Variants in COL2A1 observed in about 807,000 individuals in gnomAD.
COL2A1 encodes the protein collagen alpha-1(II) chain.
In COL2A1, 28 loss-of-function variants were observed where a neutral mutation model predicts 204.5. That is an observed-to-expected ratio of 0.14 (90% CI 0.10 to 0.19). The LOEUF is 0.19. COL2A1 is among the 10% of genes least tolerant of loss of function. The pLI, the probability that COL2A1 is intolerant of heterozygous loss-of-function variation, is 1.00. For synonymous variants in COL2A1, 708 were observed against 718.7 expected, an observed-to-expected ratio of 0.99 and a Z score of 0.24; for missense variants, 1,388 against 2,027.5, an observed-to-expected ratio of 0.68 and a Z score of 6.06.
At chr12:47,985,667 G>C in intron 25 of COL2A1, 61 bp downstream of exon 25, 5 of 1,605,886 alleles carry the variant, frequency 3.1e-6, no homozygotes, top group Non-Finnish European at 4.3e-6. Context: ...GGGCTGGAAG[G>C]AGCCAGCCAG....
intron 12 of COL2A1, 59 bp from the exon 13 acceptor site, chr12:47,994,106 C>T: frequency 6.3e-7 from 1 of 1,598,650 alleles, no homozygotes; most frequent in East Asian, 2.2e-5. Flanking sequence ...GAAAGCTGCC[C>T]TGGGCTGCAG....
At position 47,996,420 on chromosome 12, in the gene COL2A1, G is replaced by A. The variant is rs1939963926; in HGVS notation, c.609+128C>T. On this transcript the variant is annotated intron_variant, in intron 8 of 53. Coordinates refer to ENST00000380518, the MANE Select transcript of COL2A1 (RefSeq NM_001844.5). ...AATGCTTTGGGCTAGCTGAATGGGA[G>A]GTTACATAACTACGGAGGAGAGCCA... 3 of 839,260 alleles carry A rather than the reference G, an allele frequency of 3.6e-6. 1 individual carries two copies. In the Admixed American group the frequency reaches 5.2e-5, roughly 14 times the overall value. The allele number at this position is 839,260 out of a possible 1,614,324, so 52.0% of individuals were successfully genotyped here.
intron 14 of COL2A1, 86 bp downstream of exon 14, chr12:47,993,723 G>C: frequency 6.9e-6 from 10 of 1,457,520 alleles, no homozygotes; most frequent in Middle Eastern, 2.1e-4. Flanking sequence ...TAGTTCCACT[G>C]AGCTCCACAG....
At position 47,985,036 on chromosome 12, in the gene COL2A1, G is replaced by T; in HGVS notation, c.1792C>A (p.Gln598Lys). ...CCAGGGAAACCCATGACACCAGGCT[G>T]CCCACGAGCCCCCTGAGGACCTGGA... ...GPPGPQGARG[Q>K]PGVMGFPGPK... The change falls in exon 27 of 54, where the codon CAG becomes AAG. Residue 598 changes from glutamine (Q) to lysine (K), a missense_variant. By Grantham distance (53) the Gln-to-Lys change is moderately conservative. Transcript: ENST00000380518. 2 of 1,613,978 alleles carry T rather than the reference G, an allele frequency of 1.2e-6. No individual in the cohort carries two copies. Among genetic ancestry groups the T allele is most frequent in the Non-Finnish European group, 8.5e-7 (1 of 1,179,980 alleles).
intron 40 of COL2A1, 50 bp downstream of exon 40, chr12:47,979,959 G>A (rs1263390297): frequency 2.0e-6 from 3 of 1,499,972 alleles, no homozygotes; most frequent in Non-Finnish European, 2.7e-6. Flanking sequence ...AGCCTCTGGG[G>A]CCAGGCCTCT....
chr12:47,985,627 G>A lies in COL2A1; in HGVS notation c.1681-40C>T, dbSNP rs1407018684. ...GAGAAGAGGGTGGGGTCAGGAGCCG[G>A]CCCCAGGACCTCCCAATCCTGGCAG... is the stretch of plus-strand genomic sequence containing the variant. On this transcript the variant is annotated intron_variant, in intron 25 of 53. Coordinates refer to ENST00000380518, the MANE Select transcript of COL2A1 (RefSeq NM_001844.5). 3.1e-6 allele frequency: 5 copies of A among 1,610,778 alleles called. No individual in the cohort carries two copies. In the South Asian group the frequency reaches 5.5e-5, roughly 18 times the overall value.
At position 47,997,996 on chromosome 12, in the gene COL2A1, G is replaced by C. The variant is rs761315816; in HGVS notation, c.375+36C>G. The C allele has an allele frequency of 1.1e-5, 17 of 1,614,092 alleles. No homozygotes were observed. In the South Asian group the frequency reaches 1.6e-4, roughly 16 times the overall value. On this transcript the variant is annotated intron_variant, in intron 5 of 53. Transcript: ENST00000380518. ...CAGATCAGTAACTTGCGCGCAGCGA[G>C]GAAGGGACGGAGAAAGAGATTTCTC...
chr12:47,987,914 C>T lies in COL2A1; in HGVS notation c.1123-205G>A, dbSNP rs1939514862. Among the ~76,000 whole-genome samples, 1 of 152,158 alleles carries T rather than the reference C, an allele frequency of 6.6e-6. No individual in the cohort carries two copies. On this transcript the variant is annotated intron_variant, in intron 18 of 53. Coordinates refer to ENST00000380518, the MANE Select transcript of COL2A1 (RefSeq NM_001844.5). This position sits in a 1 kb window ranked among gnomAD's most constrained non-coding sequence, Gnocchi z 4.1. ...ACCGAGCTGATGACTTGATGACTTC[C>T]CACGCCTGCCTCCTCTACTGCTTAC...
rs780436292 is a variant in COL2A1 at position 47,987,251 on chromosome 12, T to G, written c.1266+18A>C. The G allele has an allele frequency of 1.2e-6, 2 of 1,613,640 alleles. No homozygotes were observed. Among genetic ancestry groups the G allele is most frequent in the Non-Finnish European group, 1.7e-6 (2 of 1,179,954 alleles). On this transcript the variant is annotated intron_variant, in intron 20 of 53. Transcript: ENST00000380518. This position sits in a 1 kb window ranked among gnomAD's most constrained non-coding sequence, Gnocchi z 4.1. The stretch of plus-strand genomic sequence containing the variant: ...ACTGGGCTCTCCTGGGGTAGCAAAG[T>G]CCACGGGCAACACTCACAGCAGATC...
intron 44 of COL2A1, 99 bp downstream of exon 44, chr12:47,977,911 C>G (rs905690054): frequency 1.9e-5 from 23 of 1,203,408 alleles, no homozygotes; most frequent in Middle Eastern, 3.8e-4. Context: ...ACCCCCTTCT[C>G]CAGGGCCCTG....
In COL2A1 at chr12:47,987,585, C is replaced by A. The variant is rs376821382; in HGVS notation, c.1221+26G>T. On this transcript the variant is annotated intron_variant, in intron 19 of 53. Coordinates refer to ENST00000380518, the MANE Select transcript of COL2A1 (RefSeq NM_001844.5). The surrounding 1 kb of genome is among the most constrained non-coding windows in gnomAD (Gnocchi z 4.1). The stretch of plus-strand genomic sequence containing the variant: ...CCAAAGCCACAGACCCCAGACCCCC[C>A]CAGGCCAAAGAGAAGCTGCACTTAC... The A allele has an allele frequency of 1.9e-4, 295 of 1,591,394 alleles. No homozygotes were observed. The highest frequency in any genetic ancestry group is 6.7e-4 in the Middle Eastern group (4 of 5,992).
At position 47,982,153 on chromosome 12, in the gene COL2A1, A is replaced by C. The variant is rs767686686; in HGVS notation, c.2309T>G (p.Val770Gly). 12 of 1,613,544 alleles carry C rather than the reference A, an allele frequency of 7.4e-6. No individual in the cohort carries two copies. Among genetic ancestry groups the C allele is most frequent in the Non-Finnish European group, 1.0e-5 (12 of 1,179,790 alleles). ...GGCTCCCTCAGGGCCTTTCTCACCA[A>C]CGTCACCCTGAGGGAAGAGAAAACC... Reference protein sequence around the residue: ...IAGPKGDRGDVGEKGPEGAPG... With the variant: ...IAGPKGDRGDGGEKGPEGAPG... The change falls in exon 35 of 54, where the codon GTT becomes GGT. Residue 770 changes from valine to glycine, a missense_variant. Transcript: ENST00000380518.
In COL2A1 at chr12:47,996,571, A is replaced by T; in HGVS notation, c.586T>A (p.Leu196Met). Residue 196 changes from leucine (L) to methionine (M), a missense_variant, in exon 8 of 54, where the codon TTG (leucine) becomes ATG (methionine). Physicochemically the swap from Leu to Met is conservative, Grantham distance 15. Transcript: ENST00000380518. ...GFDEKAGGAQ[L>M]GVMQGPMGPM... Reference sequence around the variant, plus strand: ...ACCATTGGTCCTTGCATTACTCCCAACTGGGCGCCACCAGCCTTTTCATCA... The same window carrying T: ...ACCATTGGTCCTTGCATTACTCCCATCTGGGCGCCACCAGCCTTTTCATCA... The T allele has an allele frequency of 6.2e-7, 1 of 1,614,152 alleles. No individual in the cohort carries two copies. Among genetic ancestry groups the T allele is most frequent in the South Asian group, 1.1e-5 (1 of 91,070 alleles).
At chr12:47,984,764 C>A (rs1939296319) in intron 27 of COL2A1, among the ~76,000 whole-genome samples, 165 bp from the exon 28 acceptor site, 1 of 152,218 alleles carries the variant, frequency 6.6e-6, no homozygotes, top group South Asian at 2.1e-4. Flanking sequence ...TGGCAACCAG[C>A]CTGCTGGGCA....
intron 1 of COL2A1, among the ~76,000 whole-genome samples, chr12:48,001,931 C>A (rs779578756): frequency 2.0e-5 from 3 of 152,132 alleles, no homozygotes; most frequent in Non-Finnish European, 4.4e-5. Context: ...AAAAAGCTAC[C>A]TCTTTCGGGG....
chr12:47,979,739 G>C (rs1938934894), intron 40 of COL2A1, among the ~76,000 whole-genome samples, 175 bp from the exon 41 acceptor site: 1 of 152,198 alleles, frequency 6.6e-6, no homozygotes, highest in African/African-American at 2.4e-5. Flanking sequence ...CATAGAAGCA[G>C]GCACAGGCTG....
rs754127735 is a variant in COL2A1 at position 47,998,036 on chromosome 12, G to C, written c.371C>G (p.Pro124Arg). The C allele has an allele frequency of 6.2e-7, 1 of 1,614,074 alleles. No individual in the cohort carries two copies. The highest frequency in any genetic ancestry group is 1.3e-5 in the African/African-American group (1 of 74,944). ...DIVGPKGPPG[P>R]QGPAGEQGPR... ...AGAGATTTCTCCCTCTCTTACCTGA[G>C]GCCCAGGAGGTCCTTTGGGTCCTAC... Residue 124 changes from proline (P) to arginine (R), a missense_variant, in exon 5 of 54, where the codon CCT becomes CGT. Pro to Arg is a moderately radical substitution (Grantham distance 103, BLOSUM62 -2). Coordinates refer to ENST00000380518, the MANE Select transcript of COL2A1 (RefSeq NM_001844.5).
chr12:47,980,746 A>G lies in COL2A1; in HGVS notation c.2518-85T>C. Reference sequence around the variant, plus strand: ...CAGAAGAGCAGGAGACTCTGTGAGTATCTGCGTGTGTGTCCTGGTCTGGAC... The same window carrying G: ...CAGAAGAGCAGGAGACTCTGTGAGTGTCTGCGTGTGTGTCCTGGTCTGGAC... On this transcript the variant is annotated intron_variant, in intron 38 of 53. Coordinates refer to ENST00000380518, the MANE Select transcript of COL2A1 (RefSeq NM_001844.5). The surrounding 1 kb of genome is among the most constrained non-coding windows in gnomAD (Gnocchi z 4.5). 7.0e-7 allele frequency: 1 copy of G among 1,438,156 alleles called. No homozygotes were observed. Among genetic ancestry groups the G allele is most frequent in the Non-Finnish European group, 9.6e-7 (1 of 1,042,242 alleles). 89.1% of individuals were successfully genotyped at this position (1,438,156 alleles called of 1,614,324 possible).
intron 26 of COL2A1, 61 bp from the exon 27 acceptor site, chr12:47,985,154 A>C: frequency 7.3e-7 from 1 of 1,363,826 alleles, no homozygotes; most frequent in Non-Finnish European, 1.0e-6. Context: ...TCCACCCAAC[A>C]TCCACTAAGG....
Sources: gnomAD v4.1 joint callset for allele counts (sites outside exome capture counted in the v4.1 genomes callset) on GRCh38, gnomAD v4.1.1 for gene constraint, Gnocchi (gnomAD v3.1) non-coding constraint, MANE v1.5 for transcripts, NCBI Gene and HGNC (gene_info 2026-07-23, HGNC 2026-07-21) for gene names.